BRCA1: variants seen among roughly 807,000 people sequenced by gnomAD.
BRCA1 encodes BRCA1 DNA repair associated, also known as breast cancer type 1 susceptibility protein.
Under a neutral mutation model 173.7 loss-of-function variants are expected in BRCA1, and 140 were observed. The observed-to-expected ratio is 0.81, with a 90% CI of 0.70 to 0.93. The LOEUF is 0.93. BRCA1 is among the 40% of genes least tolerant of loss of function. BRCA1 has a pLI of 0.00. For synonymous variants in BRCA1, 662 were observed against 756.0 expected (o/e 0.88, Z 2.04); for missense variants, 1,983 against 2,172.5 (o/e 0.91, Z 1.73).
At chr17:43,080,566 A>G (rs1285179324) in intron 12 of BRCA1, among the ~76,000 whole-genome samples, 1 of 151,836 alleles carries the variant, frequency 6.6e-6, no homozygotes, top group Non-Finnish European at 1.5e-5. Context: ...GCACTTTGGG[A>G]GGCTGAGGTG....
intron 11 of BRCA1, chr17:43,082,820 T>G (rs892058927): frequency 5.6e-6 from 3 of 531,732 alleles, no homozygotes; most frequent in Admixed American, 3.3e-5. Context: ...TTGATGTTAT[T>G]GTGATGTCCT....
intron 21 of BRCA1, 95 bp downstream of exon 21, chr17:43,049,026 A>G: frequency 8.3e-7 from 1 of 1,202,280 alleles, no homozygotes; most frequent in Non-Finnish European, 1.2e-6. Flanking sequence ...TTCTGAGGCT[A>G]CAGTAGGGGC....
chr17:43,075,970 G>A (rs1039360882), intron 13 of BRCA1, among the ~76,000 whole-genome samples: 1 of 151,974 alleles, frequency 6.6e-6, no homozygotes, highest in African/African-American at 2.4e-5. Flanking sequence ...GCGCATGCTT[G>A]TGGACCCAGC....
chr17:43,074,177 A>G (rs754223780), intron 14 of BRCA1, among the ~76,000 whole-genome samples, 154 bp downstream of exon 14: 3 of 152,236 alleles, frequency 2.0e-5, no homozygotes, highest in Non-Finnish European at 4.4e-5. Context: ...CTTGATTAAC[A>G]CTTGAGCTAT....
intron 1 of BRCA1, among the ~76,000 whole-genome samples, chr17:43,139,361 GT>G (rs1207662965): frequency 2.0e-5 from 3 of 150,202 alleles, no homozygotes; most frequent in Non-Finnish European, 1.5e-5. Context: ...ATACCCGATA[GT>G]TTTTTTCTTT....
rs80357089 is a variant in BRCA1 at position 43,092,200 on chromosome 17, G to T, written c.3331C>A (p.Gln1111Lys). The T allele has an allele frequency of 6.2e-7, 1 of 1,613,110 alleles. No homozygotes were observed. ...GTCTGAACTACTTCTTCATATTCTTGCTTTTTTATTTCAGGATGCTTACAA... is the reference window on the plus strand; with the variant it reads ...GTCTGAACTACTTCTTCATATTCTTTCTTTTTTATTTCAGGATGCTTACAA... Reference protein sequence around the residue: ...SNCKHPEIKKQEYEEVVQTVN... With the variant: ...SNCKHPEIKKKEYEEVVQTVN... The change falls in exon 10 of 23, where the codon CAA (glutamine) becomes AAA (lysine). Residue 1111 changes from glutamine to lysine, a missense_variant. By Grantham distance (53) the Gln-to-Lys change is moderately conservative. Coordinates refer to ENST00000357654, the MANE Select transcript of BRCA1 (RefSeq NM_007294.4).
chr17:43,094,738 A>T lies in BRCA1; in HGVS notation c.793T>A (p.Ser265Thr), dbSNP rs1567802051. The T allele has an allele frequency of 6.2e-7, 1 of 1,611,692 alleles. No individual in the cohort carries two copies. Among genetic ancestry groups the T allele is most frequent in the Middle Eastern group, 1.7e-4 (1 of 6,046 alleles). Residue 265 changes from serine to threonine, a missense_variant, in exon 10 of 23, where the codon TCT (serine) becomes ACT (threonine). By Grantham distance (58) the Ser-to-Thr change is moderately conservative. Transcript: ENST00000357654. ...ERHPEKYQGS[S>T]VSNLHVEPCG... ...GGCTCCACATGCAAGTTTGAAACAG[A>T]ACTACCCTGATACTTTTCTGGATGC...
intron 1 of BRCA1, among the ~76,000 whole-genome samples, chr17:43,143,492 G>A (rs2056094471): frequency 6.6e-6 from 1 of 152,186 alleles, no homozygotes. Context: ...CTGCTGTTCT[G>A]CAGTTAGCAC....
chr17:43,091,469 A>T lies in BRCA1; in HGVS notation c.4062T>A (p.Asn1354Lys). 1 of 1,613,504 alleles carries T rather than the reference A, an allele frequency of 6.2e-7. No individual in the cohort carries two copies. Among genetic ancestry groups the T allele is most frequent in the Non-Finnish European group, 8.5e-7 (1 of 1,179,794 alleles). ...AATCCATGCTTTGCTCTTCTTGATTATTTTCTTCCAAGCCCGTTCCTCTTT... is the reference window on the plus strand; with the variant it reads ...AATCCATGCTTTGCTCTTCTTGATTTTTTTCTTCCAAGCCCGTTCCTCTTT... ...DEERGTGLEE[N>K]NQEEQSMDSN... Residue 1354 changes from asparagine to lysine, a missense_variant, in exon 10 of 23, where the codon AAT (asparagine) becomes AAA (lysine). Coordinates refer to ENST00000357654, the MANE Select transcript of BRCA1 (RefSeq NM_007294.4).
rs1163820540 is a variant in BRCA1, at chr17:43,104,384, AC to A, written c.302-124del. 6.4e-5 allele frequency: 70 copies of A among 1,091,852 alleles called. 2 individuals are homozygous for A. The highest frequency in any genetic ancestry group is 4.5e-4 in the East Asian group (17 of 38,124). 67.6% of individuals were successfully genotyped at this position (1,091,852 alleles called of 1,614,324 possible). A position where few individuals can be genotyped will look rare whatever the true frequency, so the allele number is the denominator to read the frequency against. ...TGTGTTAAGACAATGCATTAAGGTT[AC>A]CTGTGATTTTTTTTAAAAATCAAAT... is the stretch of plus-strand genomic sequence containing the variant. On this transcript the variant is annotated intron_variant, in intron 5 of 22. Coordinates refer to ENST00000357654, the MANE Select transcript of BRCA1 (RefSeq NM_007294.4).
intron 14 of BRCA1, among the ~76,000 whole-genome samples, chr17:43,074,104 C>T (rs546575174): frequency 6.6e-6 from 1 of 152,224 alleles, no homozygotes; most frequent in South Asian, 2.1e-4. Context: ...TCCTCAAAAT[C>T]ATTAGTTAAA....
intron 1 of BRCA1, among the ~76,000 whole-genome samples, chr17:43,135,350 T>C (rs1338590336): frequency 6.6e-6 from 1 of 152,238 alleles, no homozygotes; most frequent in African/African-American, 2.4e-5. Flanking sequence ...TTCTTCCAAC[T>C]GCCGTTTGGG....
chr17:43,113,851 G>C (rs1163687604), intron 3 of BRCA1, among the ~76,000 whole-genome samples: 1 of 152,078 alleles, frequency 6.6e-6, no homozygotes, highest in African/African-American at 2.4e-5. Context: ...TTAAGGCCAA[G>C]GTAGCTGAAG....
intron 3 of BRCA1, among the ~76,000 whole-genome samples, chr17:43,113,706 CT>C (rs1053330679): frequency 6.6e-6 from 1 of 152,112 alleles, no homozygotes; most frequent in Admixed American, 6.6e-5. Flanking sequence ...GTATTATTAT[CT>C]CTGCCTATAA....
At chr17:43,130,351 A>T (rs188324867), upstream of BRCA1, among the ~76,000 whole-genome samples, 1 of 152,118 alleles carries the variant, frequency 6.6e-6, no homozygotes, top group East Asian at 1.9e-4. Flanking sequence ...GTCTCGCTCT[A>T]TCACCCAGGC....
Position 43,100,646 on chromosome 17 carries a change from CATATATATAACAT to C in BRCA1, c.442-779_442-767del, listed in dbSNP as rs1352274883. Among the ~76,000 whole-genome samples the C allele has an allele frequency of 1.4e-4, 6 of 42,058 alleles. No individual in the cohort carries two copies. In the East Asian group the frequency reaches 4.3e-3, roughly 30 times the overall value. 27.6% of individuals were successfully genotyped at this position (42,058 alleles called of 152,430 possible). On this transcript the variant is annotated intron_variant, in intron 6 of 22. Coordinates refer to ENST00000357654, the MANE Select transcript of BRCA1 (RefSeq NM_007294.4). The stretch of plus-strand genomic sequence containing the variant: ...ATATATATATGTTATATATATATAA[CATATATATAACAT>C]ATATATATATATATATATAATATAT...
chr17:43,146,434 A>T (rs1308117506), intron 1 of BRCA1, among the ~76,000 whole-genome samples: 2 of 148,022 alleles, frequency 1.4e-5, no homozygotes, highest in African/African-American at 5.0e-5. Context: ...TTAGCCTCCC[A>T]AGTAGCTGGG....
rs555315616 is a variant in BRCA1, at chr17:43,056,330, C to T, written c.5277+722G>A. On this transcript the variant is annotated intron_variant, in intron 19 of 22. Coordinates refer to ENST00000357654, the MANE Select transcript of BRCA1 (RefSeq NM_007294.4). ...CTGGAACTACAAGTACATGCCACCA[C>T]GCCTGGCTAATTTTTGTATATTTTT... Among the ~76,000 whole-genome samples the T allele has an allele frequency of 1.6e-3, 244 of 152,142 alleles. 1 individual carries two copies. The highest frequency in any genetic ancestry group is 5.5e-3 in the African/African-American group (229 of 41,506).
At chr17:43,133,398 T>C (rs1453267774) in intron 1 of BRCA1, among the ~76,000 whole-genome samples, 2 of 152,136 alleles carry the variant, frequency 1.3e-5, no homozygotes, top group South Asian at 2.1e-4. Context: ...AGTGACTCTT[T>C]AGGGGCTTAG....
Sources: allele counts gnomAD v4.1 joint callset (sites outside exome capture counted in the v4.1 genomes callset), GRCh38; gene constraint gnomAD v4.1.1; transcripts MANE v1.5; gene names NCBI Gene and HGNC (gene_info 2026-07-23, HGNC 2026-07-21).